The following ATG2B variants were observed in gnomAD, a reference collection of about 807,000 sequenced individuals.
The protein encoded by ATG2B is autophagy-related protein 2 homolog B.
A neutral mutation model predicts 241.3 loss-of-function variants in ATG2B; 121 were observed. The observed-to-expected ratio is 0.50, with a 90% confidence interval of 0.43 to 0.58. ATG2B has a LOEUF of 0.58. ATG2B is among the 20% of genes least tolerant of loss of function. The probability of loss-of-function intolerance (pLI) is 0.00; values close to 1 mark genes in which losing one functional copy is unlikely to be tolerated. For missense variants in ATG2B, 2,306 were observed against 2,491.6 expected (o/e 0.93, Z 1.59); for synonymous variants, 858 against 876.6 (o/e 0.98, Z 0.37).
At chr14:96,288,249 A>G (rs1054154461) in intron 41 of ATG2B, among the ~76,000 whole-genome samples, 1 of 152,208 alleles carries the variant, frequency 6.6e-6, no homozygotes, top group Non-Finnish European at 1.5e-5. Context: ...CCTCATCTGT[A>G]AATTAGAAAT....
intron 34 of ATG2B, among the ~76,000 whole-genome samples, chr14:96,298,734 A>G (rs1328900221): frequency 2.6e-5 from 4 of 152,236 alleles, no homozygotes; most frequent in Admixed American, 2.6e-4. Context: ...AAGATCAGTC[A>G]GTAGTCACTT....
At chr14:96,296,359 T>G (rs1886640270) in intron 34 of ATG2B, among the ~76,000 whole-genome samples, 1 of 152,164 alleles carries the variant, frequency 6.6e-6, no homozygotes, top group Non-Finnish European at 1.5e-5. Context: ...CATGCCATAT[T>G]TGCCCATTAT....
At chr14:96,304,472 T>C in intron 32 of ATG2B, 23 bp downstream of exon 32, 1 of 1,586,764 alleles carries the variant, frequency 6.3e-7, no homozygotes, top group Non-Finnish European at 8.6e-7. Context: ...TTAAGTGGAT[T>C]TTTCCTTCAA....
At position 96,290,455 on chromosome 14, in the gene ATG2B, C is replaced by T; in HGVS notation, c.5837G>A (p.Arg1946Lys). 1 of 1,614,200 alleles carries T rather than the reference C, an allele frequency of 6.2e-7. No homozygotes were observed. Among genetic ancestry groups the T allele is most frequent in the Non-Finnish European group, 8.5e-7 (1 of 1,180,014 alleles). The change falls in exon 40 of 42, where the codon AGA (arginine) becomes AAA (lysine). Residue 1946 changes from arginine to lysine, a missense_variant. Physicochemically the swap from Arg to Lys is conservative, Grantham distance 26. Coordinates refer to ENST00000359933, the MANE Select transcript of ATG2B (RefSeq NM_018036.7). The surrounding 1 kb of genome is among the most constrained non-coding windows in gnomAD (Gnocchi z 4.4). ...TAMAALELTNRMVQTIQAAAE... is the reference protein window; with the variant it reads ...TAMAALELTNKMVQTIQAAAE... ...AGATACCTGTATGGTTTGAACCATT[C>T]TGTTTGTGAGTTCTAGAGCAGCCAT...
chr14:96,292,135 C>T, intron 36 of ATG2B, 37 bp from the exon 37 acceptor site: 1 of 1,316,550 alleles, frequency 7.6e-7, no homozygotes, highest in Non-Finnish European at 1.1e-6. Context: ...TTTACATTTA[C>T]AATTACTAAT....
chr14:96,286,787 T>C (rs1177835949), intron 41 of ATG2B, among the ~76,000 whole-genome samples: 1 of 151,988 alleles, frequency 6.6e-6, no homozygotes, highest in Non-Finnish European at 1.5e-5. Flanking sequence ...ATTATATTAT[T>C]ATATTATTGT....
chr14:96,325,691 G>T lies in ATG2B; in HGVS notation c.2395C>A (p.Pro799Thr). ...FKTEFIGGSTPEQIKLELTFR... is the reference protein window; with the variant it reads ...FKTEFIGGSTTEQIKLELTFR... The stretch of plus-strand genomic sequence containing the variant: ...GTAAGTTCCAATTTAATTTGTTCTG[G>T]GGTTGATCCTCCTATAAATTCAGTC... Residue 799 changes from proline (P) to threonine (T), a missense_variant, in exon 15 of 42, where the codon CCA (proline) becomes ACA (threonine). Physicochemically the swap from Pro to Thr is conservative, Grantham distance 38. This residue lies in a region of ATG2B where 1,927 missense variants were observed against 2,011.2 expected (regional missense o/e 0.96). Transcript: ENST00000359933. 6.2e-7 allele frequency: 1 copy of T among 1,613,418 alleles called. No homozygotes were observed. The highest frequency in any genetic ancestry group is 8.5e-7 in the Non-Finnish European group (1 of 1,179,826).
intron 1 of ATG2B, among the ~76,000 whole-genome samples, chr14:96,353,584 C>T (rs113040410): frequency 0.028 from 4,233 of 151,856 alleles, 215 homozygotes; most frequent in African/African-American, 0.097. Flanking sequence ...CGAGATTGTG[C>T]CACTGCATTC....
chr14:96,291,020 C>T, intron 38 of ATG2B, 85 bp from the exon 39 acceptor site: 11 of 1,195,558 alleles, frequency 9.2e-6, no homozygotes, highest in Non-Finnish European at 1.3e-5. Context: ...TTACTTAAAA[C>T]AAATTCTACA....
chr14:96,349,620 G>T (rs1323170900), intron 1 of ATG2B, among the ~76,000 whole-genome samples: 1 of 152,144 alleles, frequency 6.6e-6, no homozygotes, highest in Non-Finnish European at 1.5e-5. Context: ...CATCATGAGG[G>T]GTAAAAGAAA....
At chr14:96,340,131 C>CATATATT (rs1887984757) in intron 6 of ATG2B, among the ~76,000 whole-genome samples, 1 of 24,106 alleles carries the variant, frequency 4.1e-5, no homozygotes, top group Non-Finnish European at 7.6e-5. Flanking sequence ...ATATATATAT[C>CATATATT]ATATATGATA....
chr14:96,339,824 A>G (rs1428659340), intron 6 of ATG2B, among the ~76,000 whole-genome samples: 3 of 151,876 alleles, frequency 2.0e-5, no homozygotes, highest in African/African-American at 4.8e-5. Context: ...ATTTACCACT[A>G]AAGAACTCAT....
intron 2 of ATG2B, among the ~76,000 whole-genome samples, chr14:96,345,793 T>C (rs947923815): frequency 6.6e-6 from 1 of 152,130 alleles, no homozygotes; most frequent in Non-Finnish European, 1.5e-5. Context: ...ATGGTCTGTA[T>C]CACAACTTCT....
chr14:96,333,996 T>C (rs1184980668), intron 7 of ATG2B, 123 bp from the exon 8 acceptor site: 1 of 786,000 alleles, frequency 1.3e-6, no homozygotes, highest in Non-Finnish European at 2.1e-6. Context: ...AAACCACTGC[T>C]ATTTAGTGAG....
At chr14:96,355,705 G>T (rs1002733438) in intron 1 of ATG2B, among the ~76,000 whole-genome samples, 4 of 151,884 alleles carry the variant, frequency 2.6e-5, no homozygotes, top group African/African-American at 9.7e-5. Context: ...GTACAATGAT[G>T]AGCTCTATAA....
intron 1 of ATG2B, among the ~76,000 whole-genome samples, chr14:96,348,453 C>A (rs980157145): frequency 2.0e-5 from 3 of 152,012 alleles, no homozygotes; most frequent in African/African-American, 7.2e-5. Context: ...GAGGCTGAGA[C>A]GGGCAGATCT....
In ATG2B at chr14:96,305,632, C is replaced by T; in HGVS notation, c.4690G>A (p.Asp1564Asn). ...GAAGTGGGAGGGACTATTCCAAAAT[C>T]CTTTCCTCCATAAAGATGCCAGACA... Reference protein sequence around the residue: ...SLVWHLYGGKDFGIVPPTSPA... With the variant: ...SLVWHLYGGKNFGIVPPTSPA... Residue 1564 changes from aspartate (D) to asparagine (N), a missense_variant, in exon 31 of 42, where the codon GAT becomes AAT. Coordinates refer to ENST00000359933, the MANE Select transcript of ATG2B (RefSeq NM_018036.7). 1 of 1,614,058 alleles carries T rather than the reference C, an allele frequency of 6.2e-7. No homozygotes were observed. Among genetic ancestry groups the T allele is most frequent in the Non-Finnish European group, 8.5e-7 (1 of 1,179,950 alleles).
At position 96,316,636 on chromosome 14, in the gene ATG2B, T is replaced by C. The variant is rs774723876; in HGVS notation, c.3258A>G (p.Leu1086=). ...AAAATAATGAACCACTATTGAACTC[T>C]AACCAGAATTCACCATGCTTGTTTT... ...LLENKHGEFW[L]EFNSGSLFCV... Residue 1086 remains leucine, a synonymous_variant, in exon 21 of 42, where the codon TTA becomes TTG. Coordinates refer to ENST00000359933, the MANE Select transcript of ATG2B (RefSeq NM_018036.7). 4.3e-6 allele frequency: 7 copies of C among 1,612,058 alleles called. No homozygotes were observed. The South Asian group carries it at 6.6e-5, about 15-fold the overall frequency.
intron 23 of ATG2B, among the ~76,000 whole-genome samples, chr14:96,314,192 G>C (rs1197317463): frequency 6.6e-6 from 1 of 152,164 alleles, no homozygotes; most frequent in East Asian, 1.9e-4. Flanking sequence ...GCTTTCATGA[G>C]AAAAGAATTT....
Sources: gnomAD v4.1 joint callset for allele counts (sites outside exome capture counted in the v4.1 genomes callset) on GRCh38, gnomAD v4.1.1 for gene constraint, gnomAD v4.1.1 regional missense constraint, Gnocchi (gnomAD v3.1) non-coding constraint, MANE v1.5 for transcripts, NCBI Gene and HGNC (gene_info 2026-07-23, HGNC 2026-07-21) for gene names.